Variants in PIK3R1 observed in about 807,000 individuals in gnomAD.
The protein encoded by PIK3R1 is phosphoinositide-3-kinase regulatory subunit 1, also known as phosphatidylinositol 3-kinase regulatory subunit alpha.
PIK3R1 carries 29 observed loss-of-function variants against 98.0 expected under a neutral mutation model. The observed-to-expected ratio is 0.30, with a 90% CI of 0.22 to 0.40. The LOEUF (loss-of-function observed/expected upper bound fraction) is 0.40. PIK3R1 is among the 10% of genes least tolerant of loss of function. The pLI, the probability that PIK3R1 is intolerant of heterozygous loss-of-function variation, is 1.00. For missense variants in PIK3R1, 596 were observed against 872.7 expected (o/e 0.68, Z 3.99); for synonymous variants, 282 against 311.8 (o/e 0.90, Z 1.01).
In PIK3R1 at chr5:68,301,432, A is replaced by ATGTGTGTGTGTGTGTG. The variant is rs1205418820; in HGVS notation, c.*3840_*3841insGTGTGTGTGTGTGTGT. On this transcript the variant is annotated 3_prime_UTR_variant, in exon 16 of 16. Coordinates refer to ENST00000521381, the MANE Select transcript of PIK3R1 (RefSeq NM_181523.3). ...TATATATATATATATATATATATAT[A>ATGTGTGTGTGTGTGTG]TGTGTGTGTATATATATATATATGT... 3 of 73,546 alleles carry ATGTGTGTGTGTGTGTG rather than the reference A, an allele frequency of 4.1e-5. No homozygotes were observed. Among genetic ancestry groups the ATGTGTGTGTGTGTGTG allele is most frequent in the South Asian group, 4.9e-4 (1 of 2,052 alleles). The allele number at this position is 73,546 out of a possible 1,614,324, so 4.6% of individuals were successfully genotyped here. A position where few individuals can be genotyped will look rare whatever the true frequency, so the allele number is the denominator to read the frequency against.
chr5:68,221,407 A>C (rs1744086994), intron 1 of PIK3R1, among the ~76,000 whole-genome samples: 1 of 152,226 alleles, frequency 6.6e-6, no homozygotes, highest in African/African-American at 2.4e-5. Context: ...ACTGAAGTTA[A>C]AAAGATGGAC....
chr5:68,284,452 G>C (rs1746994859), intron 7 of PIK3R1, among the ~76,000 whole-genome samples: 1 of 152,198 alleles, frequency 6.6e-6, no homozygotes, highest in Non-Finnish European at 1.5e-5. Flanking sequence ...TTGGTGAATG[G>C]AGCAGCCTAG....
intron 1 of PIK3R1, among the ~76,000 whole-genome samples, chr5:68,218,806 A>G (rs1199919038): frequency 1.3e-5 from 2 of 152,210 alleles, no homozygotes; most frequent in Non-Finnish European, 2.9e-5. Flanking sequence ...AAGCCCTGGA[A>G]GACTAGAAAG....
chr5:68,276,019 C>A (rs1034729528), intron 4 of PIK3R1, among the ~76,000 whole-genome samples: 5 of 152,174 alleles, frequency 3.3e-5, no homozygotes, highest in African/African-American at 7.2e-5. Context: ...TAAATAATTT[C>A]TTTCACATTT....
intron 8 of PIK3R1, chr5:68,292,584 T>G: frequency 6.8e-7 from 1 of 1,480,078 alleles, no homozygotes; most frequent in Non-Finnish European, 9.0e-7. Context: ...GACAGAGATG[T>G]CAGTGAAGTG....
chr5:68,298,041 G>C lies in PIK3R1; in HGVS notation c.*440G>C, dbSNP rs1305374179. 2 of 233,736 alleles carry C rather than the reference G, an allele frequency of 8.6e-6. No homozygotes were observed. Among genetic ancestry groups the C allele is most frequent in the Admixed American group, 5.6e-5 (1 of 17,874 alleles). 14.5% of individuals were successfully genotyped at this position (233,736 alleles called of 1,614,324 possible). ...GGCCTGAGAAGGTTTGGTCCAGCCT[G>C]GTTTAGCCTGGATGTTGCTGTGCAC... On this transcript the variant is annotated 3_prime_UTR_variant, in exon 16 of 16. Coordinates refer to ENST00000521381, the MANE Select transcript of PIK3R1 (RefSeq NM_181523.3).
chr5:68,266,160 C>T (rs994010411), intron 2 of PIK3R1, among the ~76,000 whole-genome samples: 2 of 152,238 alleles, frequency 1.3e-5, no homozygotes, highest in African/African-American at 4.8e-5. Context: ...TCTCCATCCC[C>T]CTGCCCTCTC....
At position 68,295,180 on chromosome 5, in the gene PIK3R1, G is replaced by T. The variant is rs2112274478; in HGVS notation, c.1601G>T (p.Arg534Leu). The change falls in exon 13 of 16, where the codon CGA becomes CTA. Residue 534 changes from arginine to leucine, a missense_variant. Transcript: ENST00000521381. ...CATAATTATGATAAGTTGAAGTCTC[G>T]AATCAGTGAAATTATTGACAGTAGA... ...IMHNYDKLKS[R>L]ISEIIDSRRR... 6.2e-7 allele frequency: 1 copy of T among 1,613,860 alleles called. No homozygotes were observed. The highest frequency in any genetic ancestry group is 8.5e-7 in the Non-Finnish European group (1 of 1,179,862).
chr5:68,262,586 C>T (rs1745827041), intron 2 of PIK3R1, among the ~76,000 whole-genome samples: 1 of 138,854 alleles, frequency 7.2e-6, no homozygotes, highest in South Asian at 2.3e-4. Context: ...CATGTATACA[C>T]ATGTATCTGC....
At chr5:68,250,163 C>G (rs1745248499) in intron 2 of PIK3R1, among the ~76,000 whole-genome samples, 1 of 152,226 alleles carries the variant, frequency 6.6e-6, no homozygotes, top group Non-Finnish European at 1.5e-5. Flanking sequence ...TTGCTCCTCT[C>G]CAGCTCACTG....
chr5:68,251,124 G>A (rs1745290740), intron 2 of PIK3R1, among the ~76,000 whole-genome samples: 1 of 152,174 alleles, frequency 6.6e-6, no homozygotes, highest in African/African-American at 2.4e-5. Context: ...TTTCTGATAA[G>A]GATCCTACTT....
chr5:68,299,096 G>C lies in PIK3R1; in HGVS notation c.*1495G>C, dbSNP rs1201550337. On this transcript the variant is annotated 3_prime_UTR_variant, in exon 16 of 16. Coordinates refer to ENST00000521381, the MANE Select transcript of PIK3R1 (RefSeq NM_181523.3). ...GACTGGTCAGGTATTTCAGTTCTTAGGAAGGAAGTGCCAAGTTTGTTTTTG... is the reference window on the plus strand; with the variant it reads ...GACTGGTCAGGTATTTCAGTTCTTACGAAGGAAGTGCCAAGTTTGTTTTTG... 1 of 233,488 alleles carries C rather than the reference G, an allele frequency of 4.3e-6. No individual in the cohort carries two copies. The highest frequency in any genetic ancestry group is 6.0e-5 in the East Asian group (1 of 16,542). 14.5% of individuals were successfully genotyped at this position (233,488 alleles called of 1,614,324 possible). A position where few individuals can be genotyped will look rare whatever the true frequency, so the allele number is the denominator to read the frequency against.
intron 1 of PIK3R1, chr5:68,217,653 T>TGTGTGTGTGCGCGCGCGCGCGCGC (rs1386976488): frequency 4.1e-4 from 61 of 149,386 alleles, no homozygotes; most frequent in African/African-American, 1.3e-3. Flanking sequence ...TGTGTGTGTG[T>TGTGTGTGTGCGCGCGCGCGCGCGC]GCGCGCGCGT....
At chr5:68,270,564 G>C (rs1050727834) in intron 2 of PIK3R1, among the ~76,000 whole-genome samples, 1 of 152,088 alleles carries the variant, frequency 6.6e-6, no homozygotes, top group African/African-American at 2.4e-5. Context: ...TAATTTATGA[G>C]AAAAGGGGAA....
At position 68,280,905 on chromosome 5, in the gene PIK3R1, T is replaced by C. The variant is rs70937068; in HGVS notation, c.837-22T>C. 2.1e-5 allele frequency: 31 copies of C among 1,508,912 alleles called. No individual in the cohort carries two copies. In the East Asian group the frequency reaches 6.8e-4, roughly 33 times the overall value. The allele number at this position is 1,508,912 out of a possible 1,614,324, so 93.5% of individuals were successfully genotyped here. ...AGTTTGCTTTTAGGGAAAAGGTTTCTAATAAACTCTCTTTCTTACAGCTCT... is the reference window on the plus strand; with the variant it reads ...AGTTTGCTTTTAGGGAAAAGGTTTCCAATAAACTCTCTTTCTTACAGCTCT... On this transcript the variant is annotated intron_variant, in intron 6 of 15. Coordinates refer to ENST00000521381, the MANE Select transcript of PIK3R1 (RefSeq NM_181523.3).
intron 1 of PIK3R1, among the ~76,000 whole-genome samples, chr5:68,220,670 G>A (rs533166826): frequency 3.3e-5 from 5 of 152,258 alleles, no homozygotes; most frequent in South Asian, 2.1e-4. Flanking sequence ...GCTTGTAGGC[G>A]AGAATTACAG....
In PIK3R1 at chr5:68,300,510, C is replaced by T. The variant is rs1475075830; in HGVS notation, c.*2909C>T. The T allele has an allele frequency of 2.6e-5, 6 of 233,000 alleles. No homozygotes were observed. The highest frequency in any genetic ancestry group is 4.2e-5 in the Non-Finnish European group (5 of 117,992). 14.4% of individuals were successfully genotyped at this position (233,000 alleles called of 1,614,324 possible). ...AAGCTGCAGTGAGGCTGTGATTGGG[C>T]GTAGAAGTGGGAGCATTGGGACCTC... On this transcript the variant is annotated 3_prime_UTR_variant, in exon 16 of 16. Coordinates refer to ENST00000521381, the MANE Select transcript of PIK3R1 (RefSeq NM_181523.3).
intron 2 of PIK3R1, among the ~76,000 whole-genome samples, chr5:68,237,659 C>T (rs1262974106): frequency 6.6e-6 from 1 of 150,570 alleles, no homozygotes; most frequent in Non-Finnish European, 1.5e-5. Context: ...GTAGTCCTGA[C>T]ACAGCTTCTT....
intron 2 of PIK3R1, among the ~76,000 whole-genome samples, chr5:68,268,011 A>G (rs1301362434): frequency 1.3e-5 from 2 of 152,186 alleles, no homozygotes; most frequent in Non-Finnish European, 2.9e-5. Flanking sequence ...TAAAGATTAC[A>G]TGACTAATTC....
Sources: allele counts gnomAD v4.1 joint callset (sites outside exome capture counted in the v4.1 genomes callset), GRCh38; gene constraint gnomAD v4.1.1; transcripts MANE v1.5; gene names NCBI Gene and HGNC (gene_info 2026-07-23, HGNC 2026-07-21).